APOO: variants seen among roughly 807,000 people sequenced by gnomAD.
The protein encoded by APOO is apolipoprotein O, also known as MICOS complex subunit MIC26.
APOO carries 11 observed loss-of-function variants against 23.1 expected under a neutral mutation model. The ratio of observed to expected loss-of-function variants is 0.48; its 90% CI spans 0.30 to 0.79. APOO has a LOEUF of 0.79. Ranked by LOEUF, APOO falls within the 30% of genes least tolerant of loss-of-function variation. The pLI, the probability that APOO is intolerant of heterozygous loss-of-function variation, is 0.07. For missense variants in APOO, 160 were observed against 142.7 expected (o/e 1.12, Z -0.62); for synonymous variants, 59 against 54.8 (o/e 1.08, Z -0.34).
intron 5 of APOO, among the ~76,000 whole-genome samples, chrX:23,864,698 G>A (rs1312801400): frequency 8.9e-6 from 1 of 112,032 alleles, no homozygotes; most frequent in African/African-American, 3.2e-5. Flanking sequence ...GATGGAACTG[G>A]GACTGCTGAA....
intron 3 of APOO, among the ~76,000 whole-genome samples, chrX:23,876,952 C>T (rs1236453097): frequency 1.8e-5 from 2 of 112,271 alleles, no homozygotes; most frequent in Non-Finnish European, 3.8e-5. Flanking sequence ...ATTATAATTA[C>T]AAAAACTATT....
intron 8 of APOO, among the ~76,000 whole-genome samples, chrX:23,838,637 C>G (rs1045369091): frequency 9.2e-6 from 1 of 108,409 alleles, no homozygotes; most frequent in Admixed American, 1.0e-4. Flanking sequence ...CCAGGGTGGT[C>G]TCGATCTCTC....
chrX:23,863,100 G>C (rs1285970066), intron 5 of APOO, among the ~76,000 whole-genome samples: 1 of 112,412 alleles, frequency 8.9e-6, no homozygotes, highest in Non-Finnish European at 1.9e-5. Context: ...TTGGGAGGCT[G>C]AGGCGGGTGG....
At chrX:23,892,911 T>A (rs1601939131) in intron 1 of APOO, among the ~76,000 whole-genome samples, 3 of 97,452 alleles carry the variant, frequency 3.1e-5, no homozygotes, top group African/African-American at 3.7e-5. Flanking sequence ...ATTTAGGAGG[T>A]AAAAATCTGA....
At chrX:23,871,041 A>T (rs5925949) in intron 4 of APOO, among the ~76,000 whole-genome samples, 1 of 107,184 alleles carries the variant, frequency 9.3e-6, no homozygotes, top group East Asian at 2.9e-4. Context: ...GTGAGCCGAG[A>T]TCACACCATT....
chrX:23,868,733 T>TA (rs1569235123), intron 4 of APOO, 45 bp from the exon 5 acceptor site: 3 of 1,073,437 alleles, frequency 2.8e-6, no homozygotes, highest in South Asian at 2.0e-5. Flanking sequence ...AATTTCTCAT[T>TA]AAAAAACAAA....
intron 4 of APOO, among the ~76,000 whole-genome samples, chrX:23,874,118 G>A (rs1439385640): frequency 9.0e-6 from 1 of 111,677 alleles, no homozygotes; most frequent in Non-Finnish European, 1.9e-5. Flanking sequence ...GTATTACGCT[G>A]CACCTAGAAA....
At chrX:23,846,325 A>G (rs1924234365) in intron 7 of APOO, among the ~76,000 whole-genome samples, 1 of 90,165 alleles carries the variant, frequency 1.1e-5, no homozygotes, top group Non-Finnish European at 2.2e-5. Context: ...AAAAAAAAAA[A>G]AAAAAGACAA....
intron 5 of APOO, 66 bp from the exon 6 acceptor site, chrX:23,858,799 A>T (rs1251182253): frequency 9.9e-7 from 1 of 1,011,730 alleles, no homozygotes; most frequent in Non-Finnish European, 1.4e-6. Flanking sequence ...AATTTACCTT[A>T]TCCATTTAAT....
At chrX:23,862,250 C>A (rs189923168) in intron 5 of APOO, among the ~76,000 whole-genome samples, 42 of 110,260 alleles carry the variant, frequency 3.8e-4, no homozygotes, top group African/African-American at 1.3e-3. Flanking sequence ...TACTAAGTAT[C>A]ATCAAATAAA....
intron 7 of APOO, 123 bp downstream of exon 7, chrX:23,856,179 G>T (rs1195004127): frequency 2.8e-6 from 2 of 712,552 alleles, no homozygotes; most frequent in African/African-American, 2.2e-5. Flanking sequence ...ATCTGAGCTG[G>T]AGACAGAACT....
chrX:23,856,422 C>A, intron 6 of APOO, 40 bp from the exon 7 acceptor site: 2 of 1,024,640 alleles, frequency 2.0e-6, no homozygotes, highest in South Asian at 3.9e-5. Flanking sequence ...TCTGACCCAG[C>A]AATCCCTATT....
chrX:23,889,865 G>T (rs1926566144), intron 1 of APOO, among the ~76,000 whole-genome samples: 1 of 109,591 alleles, frequency 9.1e-6, no homozygotes, highest in African/African-American at 3.3e-5. Flanking sequence ...GTTTCACTGT[G>T]TTAGCCAGGA....
Position 23,907,791 on chromosome X carries a change from T to G in APOO, c.-89A>C. ...TGACTACGGAGGCCCGGTAGGGCCT[T>G]GATTTCTCCAACCGCAAGCAGGCAG... On this transcript the variant is annotated 5_prime_UTR_variant, in exon 1 of 9. Transcript: ENST00000379226. 9.8e-7 allele frequency: 1 copy of G among 1,020,278 alleles called. No homozygotes were observed. Among genetic ancestry groups the G allele is most frequent in the South Asian group, 2.4e-5 (1 of 40,848 alleles). The allele number at this position is 1,020,278 out of a possible 1,213,427, so 84.1% of individuals were successfully genotyped here.
chrX:23,875,218 C>T (rs1925788707), intron 3 of APOO, among the ~76,000 whole-genome samples: 1 of 104,963 alleles, frequency 9.5e-6, no homozygotes. Context: ...CCACTGCACT[C>T]CAGCCTGGGC....
At chrX:23,866,668 A>C (rs1471874554) in intron 5 of APOO, among the ~76,000 whole-genome samples, 1 of 111,217 alleles carries the variant, frequency 9.0e-6, no homozygotes, top group Non-Finnish European at 1.9e-5. Context: ...AGGCGCCTGT[A>C]ATCCCAGCTA....
chrX:23,850,513 C>T (rs1053122003), intron 7 of APOO, among the ~76,000 whole-genome samples: 1 of 111,599 alleles, frequency 9.0e-6, no homozygotes, highest in African/African-American at 3.3e-5. Context: ...CAAGGAGCCA[C>T]CAACATGGGT....
At chrX:23,841,753 G>A in intron 7 of APOO, among the ~76,000 whole-genome samples, 1 of 109,962 alleles carries the variant, frequency 9.1e-6, no homozygotes, top group Middle Eastern at 4.7e-3. Flanking sequence ...ATACCCATAT[G>A]TGAACACACA....
At chrX:23,885,389 T>A (rs1926325123) in intron 1 of APOO, among the ~76,000 whole-genome samples, 1 of 104,852 alleles carries the variant, frequency 9.5e-6, no homozygotes, top group African/African-American at 3.5e-5. Context: ...AATATATATA[T>A]TATATATATA....
Sources: allele counts gnomAD v4.1 joint callset (sites outside exome capture counted in the v4.1 genomes callset), GRCh38; gene constraint gnomAD v4.1.1; transcripts MANE v1.5; gene names NCBI Gene and HGNC (gene_info 2026-07-23, HGNC 2026-07-21).